Variants in SH2D4A observed in about 807,000 individuals in gnomAD.
The protein encoded by SH2D4A is SH2 domain containing 4A, also known as SH2 domain-containing protein 4A.
In SH2D4A, 70 loss-of-function variants were observed where a neutral mutation model predicts 64.7. The ratio of observed to expected loss-of-function variants is 1.08; its 90% CI spans 0.89 to 1.32. The LOEUF is 1.32. Among genes scored for constraint, SH2D4A ranks in the 40% most tolerant of loss-of-function variants. The pLI is 0.00. For synonymous variants in SH2D4A, 268 were observed against 200.7 expected (o/e 1.34, Z -2.83); for missense variants, 706 against 540.1 (o/e 1.31, Z -3.04).
intron 6 of SH2D4A, 174 bp from the exon 7 acceptor site, chr8:19,363,898 C>G: frequency 1.6e-6 from 1 of 635,512 alleles, no homozygotes; most frequent in Non-Finnish European, 2.7e-6. Flanking sequence ...GCAGCGAACG[C>G]TGGGCAAGCC....
At chr8:19,389,176 T>C (rs2053441103) in intron 8 of SH2D4A, among the ~76,000 whole-genome samples, 2 of 152,172 alleles carry the variant, frequency 1.3e-5, no homozygotes, top group African/African-American at 4.8e-5. Flanking sequence ...AAAAATACCA[T>C]TGAACTGCCC....
chr8:19,374,623 G>A (rs994753935), intron 8 of SH2D4A, among the ~76,000 whole-genome samples: 1 of 152,174 alleles, frequency 6.6e-6, no homozygotes, highest in African/African-American at 2.4e-5. Flanking sequence ...CTCCTAAAGC[G>A]CTGCTTGTGT....
intron 4 of SH2D4A, among the ~76,000 whole-genome samples, chr8:19,335,379 C>T (rs796936277): frequency 5.9e-5 from 9 of 152,154 alleles, no homozygotes; most frequent in African/African-American, 2.2e-4. Flanking sequence ...ACCCCTATTT[C>T]ATGAGACTGA....
chr8:19,379,996 A>G (rs572685957), intron 8 of SH2D4A, among the ~76,000 whole-genome samples: 40 of 152,174 alleles, frequency 2.6e-4, no homozygotes, highest in African/African-American at 8.7e-4. Context: ...TCAGCCTCCC[A>G]AAGAACTGAG....
At chr8:19,355,424 A>C (rs1364341010) in intron 4 of SH2D4A, among the ~76,000 whole-genome samples, 1 of 152,200 alleles carries the variant, frequency 6.6e-6, no homozygotes, top group Non-Finnish European at 1.5e-5. Context: ...TTAGACGCAG[A>C]GCAGCAAAGT....
rs114662698 is a variant in SH2D4A at position 19,357,365 on chromosome 8, C to T, written c.594+82C>T. The T allele has an allele frequency of 3.4e-4, 343 of 1,012,522 alleles. 1 individual carries two copies. In the African/African-American group the frequency reaches 5.0e-3, roughly 15 times the overall value. 62.7% of individuals were successfully genotyped at this position (1,012,522 alleles called of 1,614,324 possible). On this transcript the variant is annotated intron_variant, in intron 5 of 9. Transcript: ENST00000265807. The stretch of plus-strand genomic sequence containing the variant: ...GTTTCACAGATTAGTTAATTAATCT[C>T]ATGCAGAAATGAAATTAAGCAGCAG...
At chr8:19,332,479 C>T (rs1038297036) in intron 2 of SH2D4A, among the ~76,000 whole-genome samples, 5 of 151,966 alleles carry the variant, frequency 3.3e-5, no homozygotes, top group African/African-American at 1.2e-4. Context: ...ACTAAAAATA[C>T]AAAAATTAGC....
intron 8 of SH2D4A, among the ~76,000 whole-genome samples, chr8:19,379,919 A>G (rs2053264532): frequency 6.6e-6 from 1 of 151,940 alleles, no homozygotes; most frequent in African/African-American, 2.4e-5. Context: ...TATTTTTTGT[A>G]GAGACAGGAT....
chr8:19,316,168 C>T (rs575523723), intron 1 of SH2D4A, among the ~76,000 whole-genome samples: 2 of 152,224 alleles, frequency 1.3e-5, no homozygotes, highest in African/African-American at 2.4e-5. Flanking sequence ...AGAATGGCCA[C>T]ATCGTCAACG....
chr8:19,368,554 C>T (rs527962911), intron 7 of SH2D4A, among the ~76,000 whole-genome samples: 20 of 150,026 alleles, frequency 1.3e-4, no homozygotes, highest in Admixed American at 1.3e-3. Context: ...AGACATTTCA[C>T]CTCCTTGGTT....
intron 8 of SH2D4A, among the ~76,000 whole-genome samples, chr8:19,379,900 T>C (rs111387907): frequency 6.6e-6 from 1 of 152,106 alleles, no homozygotes; most frequent in Non-Finnish European, 1.5e-5. Context: ...CATGACTGGC[T>C]AATTTTTTTA....
Position 19,393,526 on chromosome 8 carries a change from G to T in SH2D4A, c.1257G>T (p.Leu419Phe). ...DQLQHATLADLVEYHKEEPIT... is the reference protein window; with the variant it reads ...DQLQHATLADFVEYHKEEPIT... Reference sequence around the variant, plus strand: ...TACAGCATGCCACCTTGGCGGATTTGGTGGAATATCACAAGGTGAAGCAAT... The same window carrying T: ...TACAGCATGCCACCTTGGCGGATTTTGTGGAATATCACAAGGTGAAGCAAT... Residue 419 changes from leucine to phenylalanine, a missense_variant, in exon 9 of 10, where the codon TTG becomes TTT. By Grantham distance (22) the Leu-to-Phe change is conservative (BLOSUM62 0). Coordinates refer to ENST00000265807, the MANE Select transcript of SH2D4A (RefSeq NM_022071.4). 1 of 1,614,148 alleles carries T rather than the reference G, an allele frequency of 6.2e-7. No homozygotes were observed. The highest frequency in any genetic ancestry group is 2.2e-5 in the East Asian group (1 of 44,884).
intron 5 of SH2D4A, among the ~76,000 whole-genome samples, chr8:19,357,971 T>C (rs1055876886): frequency 6.6e-6 from 1 of 152,118 alleles, no homozygotes; most frequent in Non-Finnish European, 1.5e-5. Flanking sequence ...GGACCTGTGT[T>C]CCTGTGGACC....
chr8:19,371,517 G>A (rs993823179), intron 7 of SH2D4A, among the ~76,000 whole-genome samples: 3 of 152,088 alleles, frequency 2.0e-5, no homozygotes, highest in African/African-American at 7.2e-5. Context: ...TCTGCACTCT[G>A]AGGGTTTGAT....
chr8:19,374,356 C>T (rs1404681584), intron 8 of SH2D4A, among the ~76,000 whole-genome samples: 1 of 152,102 alleles, frequency 6.6e-6, no homozygotes, highest in East Asian at 1.9e-4. Context: ...TGGCTTCTTG[C>T]CTTAGTTGAC....
chr8:19,373,439 T>TGC (rs1342377482), intron 7 of SH2D4A, 91 bp from the exon 8 acceptor site: 21 of 838,330 alleles, frequency 2.5e-5, no homozygotes, highest in Non-Finnish European at 3.4e-5. Flanking sequence ...TATGTATGTG[T>TGC]GTGTGTATAT....
intron 7 of SH2D4A, among the ~76,000 whole-genome samples, chr8:19,365,072 C>G (rs1472164765): frequency 6.6e-6 from 1 of 152,092 alleles, no homozygotes; most frequent in East Asian, 1.9e-4. Context: ...TTGTCTAAAG[C>G]CTTGCATTCT....
chr8:19,324,824 G>A (rs2052251329), intron 2 of SH2D4A, among the ~76,000 whole-genome samples: 1 of 152,122 alleles, frequency 6.6e-6, no homozygotes, highest in Non-Finnish European at 1.5e-5. Context: ...AATGTTCATA[G>A]ACTCCCTGAA....
At chr8:19,320,311 G>C (rs1202855829) in intron 2 of SH2D4A, among the ~76,000 whole-genome samples, 1 of 152,116 alleles carries the variant, frequency 6.6e-6, no homozygotes, top group Non-Finnish European at 1.5e-5. Flanking sequence ...GAGACCATGG[G>C]GGAGGAAATC....
Sources: allele counts gnomAD v4.1 joint callset (sites outside exome capture counted in the v4.1 genomes callset), GRCh38; gene constraint gnomAD v4.1.1; transcripts MANE v1.5; gene names NCBI Gene and HGNC (gene_info 2026-07-23, HGNC 2026-07-21).